Variants in TOX2 observed in about 807,000 individuals in gnomAD.
The protein encoded by TOX2 is TOX high mobility group box family member 2, also known as granulosa cell HMG box 1.
Under a neutral mutation model 47.4 loss-of-function variants are expected in TOX2, and 15 were observed. The observed-to-expected ratio is 0.32, with a 90% CI of 0.21 to 0.49. TOX2 has a LOEUF of 0.49. Among genes scored for constraint, TOX2 ranks in the 20% least tolerant of loss-of-function variants. The pLI is 0.99. For missense variants in TOX2, 622 were observed against 673.1 expected, an observed-to-expected ratio of 0.92 and a Z score of 0.84; for synonymous variants, 290 against 296.6, an observed-to-expected ratio of 0.98 and a Z score of 0.23.
chr20:43,917,934 A>C (rs944407829), intron 1 of TOX2, among the ~76,000 whole-genome samples: 4 of 152,246 alleles, frequency 2.6e-5, no homozygotes, highest in Non-Finnish European at 5.9e-5. Context: ...CCATGCTGGG[A>C]ACCATTGGTC....
At chr20:44,064,522 T>C (rs2071775171) in intron 5 of TOX2, among the ~76,000 whole-genome samples, 1 of 152,206 alleles carries the variant, frequency 6.6e-6, no homozygotes, top group Admixed American at 6.5e-5. Context: ...TGATAGAACC[T>C]GGAGGCCCAG....
At chr20:43,950,768 C>T (rs2069548467) in intron 1 of TOX2, among the ~76,000 whole-genome samples, 1 of 152,034 alleles carries the variant, frequency 6.6e-6, no homozygotes, top group Non-Finnish European at 1.5e-5. Flanking sequence ...TTCCATATAC[C>T]ATGTAAGTCA....
chr20:43,971,522 G>A (rs1036126638), intron 1 of TOX2, among the ~76,000 whole-genome samples: 52 of 152,314 alleles, frequency 3.4e-4, no homozygotes, highest in African/African-American at 1.1e-3. Flanking sequence ...GATTTCTACG[G>A]CCTCCGTGAG....
At chr20:43,949,373 GTTC>G (rs2069521813) in intron 1 of TOX2, among the ~76,000 whole-genome samples, 1 of 152,218 alleles carries the variant, frequency 6.6e-6, no homozygotes, top group African/African-American at 2.4e-5. Flanking sequence ...TCCTTAGTCT[GTTC>G]TTCTCGCAGC....
At chr20:44,054,189 T>TG in intron 4 of TOX2, 110 bp from the exon 5 acceptor site, 2 of 1,155,742 alleles carry the variant, frequency 1.7e-6, no homozygotes, top group Non-Finnish European at 2.5e-6. Flanking sequence ...AGTGGTTATC[T>TG]GTGCATGAGC....
In TOX2 at chr20:43,914,996, CG is replaced by C. The variant is rs1396229653; in HGVS notation, c.99+11del. On this transcript the variant is annotated splice_region_variant and intron_variant, in intron 1 of 8. Transcript: ENST00000341197. The surrounding 1 kb of genome is among the most constrained non-coding windows in gnomAD (Gnocchi z 4.5). ...ACTATTACCACGGCGGCAAGGTAGG[CG>C]GGGGCGGGCGGGGGTCCCCGGCGGG... is the stretch of plus-strand genomic sequence containing the variant. The C allele has an allele frequency of 2.4e-6, 3 of 1,231,596 alleles. No homozygotes were observed. Among genetic ancestry groups the C allele is most frequent in the Non-Finnish European group, 3.0e-6 (3 of 986,196 alleles). 76.3% of individuals were successfully genotyped at this position (1,231,596 alleles called of 1,614,324 possible).
intron 2 of TOX2, among the ~76,000 whole-genome samples, chr20:43,987,900 A>G (rs1339096669): frequency 1.3e-5 from 2 of 150,144 alleles, no homozygotes; most frequent in Admixed American, 1.3e-4. Context: ...GAAATGTTTG[A>G]AATATCAACA....
intron 5 of TOX2, among the ~76,000 whole-genome samples, chr20:44,061,899 C>A (rs913077386): frequency 2.0e-5 from 3 of 151,780 alleles, no homozygotes; most frequent in African/African-American, 4.9e-5. Context: ...TCAATAGACA[C>A]AGAAAAAGCA....
chr20:44,063,034 A>T (rs771083608), intron 5 of TOX2, among the ~76,000 whole-genome samples: 1 of 152,228 alleles, frequency 6.6e-6, no homozygotes, highest in Non-Finnish European at 1.5e-5. Flanking sequence ...AACCCTAAAA[A>T]TTCTAGAAGA....
chr20:43,979,943 A>G (rs547567442), intron 2 of TOX2, among the ~76,000 whole-genome samples: 1 of 152,358 alleles, frequency 6.6e-6, no homozygotes, highest in South Asian at 2.1e-4. Flanking sequence ...GTAAAATAGT[A>G]TAACTACTGT....
chr20:44,027,768 CTG>C (rs1427643763), intron 3 of TOX2, among the ~76,000 whole-genome samples: 1 of 152,210 alleles, frequency 6.6e-6, no homozygotes. Flanking sequence ...CAGGAATGTT[CTG>C]TGTGTCGGGG....
At chr20:43,959,636 T>C (rs1210301479) in intron 1 of TOX2, among the ~76,000 whole-genome samples, 3 of 152,262 alleles carry the variant, frequency 2.0e-5, no homozygotes, top group South Asian at 4.1e-4. Context: ...TTTGTAGTGC[T>C]GGGGAGAAAA....
At chr20:43,923,195 A>G (rs1446717174) in intron 1 of TOX2, among the ~76,000 whole-genome samples, 1 of 152,032 alleles carries the variant, frequency 6.6e-6, no homozygotes, top group East Asian at 1.9e-4. Flanking sequence ...GGTTATGAAG[A>G]GCCTTGCACC....
At chr20:43,928,981 G>GA (rs575418660) in intron 1 of TOX2, among the ~76,000 whole-genome samples, 6,537 of 86,076 alleles carry the variant, frequency 0.076, 303 homozygotes, top group African/African-American at 0.14. Context: ...CTAAAAATAT[G>GA]AAAAAAAAAA....
chr20:43,951,235 A>G (rs1319698142), intron 1 of TOX2, among the ~76,000 whole-genome samples: 3 of 152,142 alleles, frequency 2.0e-5, no homozygotes, highest in Non-Finnish European at 4.4e-5. Context: ...TCCTAGGTAG[A>G]TAGCCTTCAC....
chr20:43,941,048 C>A (rs1386479935), intron 1 of TOX2, among the ~76,000 whole-genome samples: 1 of 152,144 alleles, frequency 6.6e-6, no homozygotes, highest in Non-Finnish European at 1.5e-5. Flanking sequence ...GAGAGGTTCT[C>A]AGTACTGTGA....
chr20:44,018,769 G>T (rs2070927757), intron 3 of TOX2, among the ~76,000 whole-genome samples: 1 of 152,170 alleles, frequency 6.6e-6, no homozygotes. Flanking sequence ...AAGACTGGAG[G>T]CTGGGAGCGT....
At chr20:43,993,597 A>G (rs2070410123) in intron 2 of TOX2, among the ~76,000 whole-genome samples, 1 of 152,172 alleles carries the variant, frequency 6.6e-6, no homozygotes, top group Non-Finnish European at 1.5e-5. Flanking sequence ...TGTCAAAGAA[A>G]TCATGGCCCT....
At chr20:43,948,518 C>A (rs1038756519) in intron 1 of TOX2, among the ~76,000 whole-genome samples, 2 of 152,210 alleles carry the variant, frequency 1.3e-5, no homozygotes, top group African/African-American at 4.8e-5. Context: ...CATGAACAAA[C>A]CGGTAATTAA....
Sources: gnomAD v4.1 joint callset for allele counts (sites outside exome capture counted in the v4.1 genomes callset) on GRCh38, gnomAD v4.1.1 for gene constraint, Gnocchi (gnomAD v3.1) non-coding constraint, MANE v1.5 for transcripts, NCBI Gene and HGNC (gene_info 2026-07-23, HGNC 2026-07-21) for gene names.